CLMP: variants seen among roughly 807,000 people sequenced by gnomAD.
CLMP encodes the protein CXADR-like membrane protein.
A neutral mutation model predicts 45.2 loss-of-function variants in CLMP; 27 were observed. The ratio of observed to expected loss-of-function variants is 0.60; its 90% CI spans 0.44 to 0.82. CLMP has a LOEUF of 0.82. CLMP is among the 40% of genes least tolerant of loss of function. The pLI is 0.00. For synonymous variants in CLMP, 167 were observed against 171.4 expected, an observed-to-expected ratio of 0.97 and a Z score of 0.20; for missense variants, 403 against 448.4, an observed-to-expected ratio of 0.90 and a Z score of 0.91.
At chr11:123,081,714 T>C (rs1445287201) in intron 5 of CLMP, among the ~76,000 whole-genome samples, 1 of 151,906 alleles carries the variant, frequency 6.6e-6, no homozygotes, top group East Asian at 1.9e-4. Context: ...CTACAAAAAT[T>C]AGCCAGGTGT....
chr11:123,156,150 C>G (rs939705666), intron 1 of CLMP, among the ~76,000 whole-genome samples: 2 of 152,146 alleles, frequency 1.3e-5, no homozygotes, highest in Non-Finnish European at 2.9e-5. Flanking sequence ...AGAGCTCACT[C>G]TCTCTCCCCT....
intron 5 of CLMP, 88 bp downstream of exon 5, chr11:123,082,997 C>T: frequency 6.6e-7 from 1 of 1,506,376 alleles, no homozygotes. Flanking sequence ...CTTAACCTTA[C>T]TCTTACTTAT....
chr11:123,181,385 C>G (rs578259439), intron 1 of CLMP, among the ~76,000 whole-genome samples: 1 of 152,348 alleles, frequency 6.6e-6, no homozygotes, highest in African/African-American at 2.4e-5. Context: ...TGCCCTGGCT[C>G]ACCCCAATGC....
chr11:123,118,965 CTTTCTTTCTTTCTTTCTTTCTT>C (rs1565387755), intron 1 of CLMP, among the ~76,000 whole-genome samples: 5 of 41,076 alleles, frequency 1.2e-4, no homozygotes, highest in South Asian at 1.1e-3. Context: ...TTCTTTCTTT[CTTTCTTTCTTTCTTTCTTTCTT>C]TCTTTCTTTC....
At chr11:123,180,555 A>G (rs147655184) in intron 1 of CLMP, among the ~76,000 whole-genome samples, 1 of 152,072 alleles carries the variant, frequency 6.6e-6, no homozygotes, top group African/African-American at 2.4e-5. Context: ...GTCTACAGTA[A>G]TTTGTTAAGC....
chr11:123,185,541 G>A (rs1415378014), intron 1 of CLMP, among the ~76,000 whole-genome samples: 1 of 152,200 alleles, frequency 6.6e-6, no homozygotes, highest in East Asian at 1.9e-4. Context: ...GCGGAGAGGT[G>A]GCCTCGTTTC....
At chr11:123,109,050 ACT>A (rs1258396492) in intron 1 of CLMP, among the ~76,000 whole-genome samples, 1 of 140,766 alleles carries the variant, frequency 7.1e-6, no homozygotes, top group Non-Finnish European at 1.5e-5. Flanking sequence ...CAAGAGTGAA[ACT>A]CTGTCTCAAA....
chr11:123,150,982 C>T (rs531986835), intron 1 of CLMP, among the ~76,000 whole-genome samples: 5 of 152,150 alleles, frequency 3.3e-5, no homozygotes, highest in East Asian at 1.9e-4. Flanking sequence ...GGATTACAGG[C>T]GCGAGCCACT....
At chr11:123,128,240 A>G (rs1456756279) in intron 1 of CLMP, among the ~76,000 whole-genome samples, 1 of 141,112 alleles carries the variant, frequency 7.1e-6, no homozygotes, top group Admixed American at 7.3e-5. Context: ...TTAAAAAAAG[A>G]AAAAAAAAAA....
At chr11:123,157,725 A>C (rs1861433843) in intron 1 of CLMP, among the ~76,000 whole-genome samples, 2 of 99,250 alleles carry the variant, frequency 2.0e-5, no homozygotes. Flanking sequence ...TGAAACTCAA[A>C]AAAAAAAAAA....
intron 1 of CLMP, among the ~76,000 whole-genome samples, chr11:123,157,412 G>T (rs551194798): frequency 6.6e-6 from 1 of 152,268 alleles, no homozygotes; most frequent in East Asian, 1.9e-4. Flanking sequence ...AAATTACCCC[G>T]GCGTGGTGGC....
intron 1 of CLMP, among the ~76,000 whole-genome samples, chr11:123,190,777 G>A (rs1861897831): frequency 6.6e-6 from 1 of 152,182 alleles, no homozygotes; most frequent in African/African-American, 2.4e-5. Flanking sequence ...TCAGCATTTA[G>A]CTCACTTAAC....
intron 2 of CLMP, among the ~76,000 whole-genome samples, chr11:123,097,391 G>A (rs1480046857): frequency 3.3e-5 from 5 of 151,778 alleles, no homozygotes; most frequent in African/African-American, 4.8e-5. Context: ...AGGCTGGAGT[G>A]CAGTGGCATG....
At chr11:123,106,758 C>T (rs1000431500) in intron 1 of CLMP, among the ~76,000 whole-genome samples, 21 of 152,010 alleles carry the variant, frequency 1.4e-4, no homozygotes, top group Non-Finnish European at 2.6e-4. Flanking sequence ...CAGTGGCTCA[C>T]GCCTGTAATC....
intron 2 of CLMP, among the ~76,000 whole-genome samples, chr11:123,088,824 A>G (rs1865894687): frequency 6.6e-6 from 1 of 152,048 alleles, no homozygotes; most frequent in African/African-American, 2.4e-5. Flanking sequence ...GGGTTTTACC[A>G]TGTTGGTCAG....
rs1861963306 is a variant in CLMP, at chr11:123,195,068, A to T, written c.-128T>A. 1.4e-5 allele frequency: 11 copies of T among 797,496 alleles called. No individual in the cohort carries two copies. Among genetic ancestry groups the T allele is most frequent in the Non-Finnish European group, 1.7e-5 (10 of 580,054 alleles). 49.4% of individuals were successfully genotyped at this position (797,496 alleles called of 1,614,324 possible). On this transcript the variant is annotated 5_prime_UTR_variant, in exon 1 of 7. The change abolishes an upstream ATG in the 5' untranslated region. Transcript: ENST00000448775. ...GGGTGCGCGCGAGGTGGCTGCAGCC[A>T]TGTGCCGGGCGGGAGCCGGCCCCGC...
intron 1 of CLMP, among the ~76,000 whole-genome samples, chr11:123,159,734 G>C (rs961772884): frequency 6.6e-6 from 1 of 152,168 alleles, no homozygotes; most frequent in African/African-American, 2.4e-5. Flanking sequence ...AGTCTGCAGG[G>C]ATGAGTAGGT....
At chr11:123,185,723 A>G (rs1861826431) in intron 1 of CLMP, among the ~76,000 whole-genome samples, 1 of 152,166 alleles carries the variant, frequency 6.6e-6, no homozygotes, top group Non-Finnish European at 1.5e-5. Flanking sequence ...TCTGAGTGGG[A>G]ATTCTAGGCT....
chr11:123,075,467 A>C (rs1025305440), intron 5 of CLMP, among the ~76,000 whole-genome samples: 32 of 151,674 alleles, frequency 2.1e-4, no homozygotes, highest in African/African-American at 7.5e-4. Context: ...GCTCACTGCA[A>C]GCTCCGCCTC....
Sources: allele counts gnomAD v4.1 joint callset (sites outside exome capture counted in the v4.1 genomes callset), GRCh38; gene constraint gnomAD v4.1.1; transcripts MANE v1.5; gene names NCBI Gene and HGNC (gene_info 2026-07-23, HGNC 2026-07-21).